TDO2: variants seen among roughly 807,000 people sequenced by gnomAD.
TDO2 encodes the protein tryptophan 2,3-dioxygenase.
Under a neutral mutation model 61.2 loss-of-function variants are expected in TDO2, and 63 were observed. That is an observed-to-expected ratio of 1.03 (90% CI 0.84 to 1.27). The LOEUF is 1.27. Among genes scored for constraint, TDO2 ranks in the 50% most tolerant of loss-of-function variants. The pLI, the probability that TDO2 is intolerant of heterozygous loss-of-function variation, is 0.00. For missense variants in TDO2, 494 were observed against 469.5 expected (o/e 1.05, Z -0.48); for synonymous variants, 183 against 164.0 (o/e 1.12, Z -0.89).
intron 9 of TDO2, 80 bp from the exon 10 acceptor site, chr4:155,917,315 C>A: frequency 1.7e-6 from 2 of 1,199,262 alleles, no homozygotes; most frequent in South Asian, 1.6e-5. Flanking sequence ...CCAGGGCCAA[C>A]TGATTGTCAA....
chr4:155,919,624 A>G (rs1743006852), intron 11 of TDO2, among the ~76,000 whole-genome samples: 1 of 152,148 alleles, frequency 6.6e-6, no homozygotes, highest in African/African-American at 2.4e-5. Context: ...ATACTGTTTT[A>G]TGGGCATAAA....
chr4:155,903,892 C>A (rs1191960036), intron 1 of TDO2, 99 bp downstream of exon 1: 16 of 1,527,104 alleles, frequency 1.0e-5, no homozygotes, highest in Non-Finnish European at 1.4e-5. Flanking sequence ...AAACTGTCAC[C>A]TTTATTCCTT....
rs115763044 is a variant in TDO2 at position 155,919,910 on chromosome 4, A to T, written c.1141A>T (p.Met381Leu). ...GATTCCCCGACACTGGATACCGAAG[A>T]TGAACCCAACCATTCACAAATTTCT... ...YLIPRHWIPK[M>L]NPTIHKFLYT... The change falls in exon 12 of 12, where the codon ATG becomes TTG. Residue 381 changes from methionine to leucine, a missense_variant. By Grantham distance (15) the Met-to-Leu change is conservative. Transcript: ENST00000536354. 3.0e-5 allele frequency: 48 copies of T among 1,613,754 alleles called. No individual in the cohort carries two copies. The African/African-American group carries it at 3.3e-4, about 11-fold the overall frequency.
intron 3 of TDO2, 181 bp downstream of exon 3, chr4:155,905,338 C>T: frequency 1.5e-5 from 8 of 528,266 alleles, no homozygotes; most frequent in Non-Finnish European, 2.0e-5. Flanking sequence ...TTTCAATAGT[C>T]TTCTTTATGT....
chr4:155,910,020 C>T lies in TDO2; in HGVS notation c.432-5C>T. The T allele has an allele frequency of 6.6e-7, 1 of 1,519,290 alleles. No individual in the cohort carries two copies. The highest frequency in any genetic ancestry group is 2.7e-5 in the East Asian group (1 of 37,178). 94.1% of individuals were successfully genotyped at this position (1,519,290 alleles called of 1,614,324 possible). On this transcript the variant is annotated splice_region_variant and splice_polypyrimidine_tract_variant and intron_variant, in intron 5 of 11. Transcript: ENST00000536354. ...TGCCTTTCCTTCCACCATTTAATCT[C>T]AAAGAGAGTACTTATCTCCAGCATC...
chr4:155,916,230 C>T (rs1357008505), intron 9 of TDO2, among the ~76,000 whole-genome samples: 7 of 132,556 alleles, frequency 5.3e-5, no homozygotes, highest in Non-Finnish European at 1.6e-5. Flanking sequence ...TGCAGTGGTG[C>T]AATCTCGGCT....
Position 155,919,925 on chromosome 4 carries a change from C to T in TDO2, c.1156C>T (p.His386Tyr), listed in dbSNP as rs1450615939. The T allele has an allele frequency of 1.9e-6, 3 of 1,613,702 alleles. No individual in the cohort carries two copies. The highest frequency in any genetic ancestry group is 2.5e-6 in the Non-Finnish European group (3 of 1,179,770). Residue 386 changes from histidine (H) to tyrosine (Y), a missense_variant, in exon 12 of 12, where the codon CAC becomes TAC. Transcript: ENST00000536354. ...HWIPKMNPTI[H>Y]KFLYTAEYCD... ...GATACCGAAGATGAACCCAACCATT[C>T]ACAAATTTCTATATACAGCAGAATA...
At position 155,919,984 on chromosome 4, in the gene TDO2, A is replaced by G; in HGVS notation, c.1215A>G (p.Ser405=). The part of the protein sequence containing the change: ...CDSSYFSSDE[S]D ...GCTCCTACTTCAGCAGTGATGAATC[A>G]GATTAAAATCGTCTGCAAAATCTAT... is the stretch of plus-strand genomic sequence containing the variant. Residue 405 remains serine (S), a synonymous_variant, in exon 12 of 12, where the codon TCA becomes TCG. Transcript: ENST00000536354. The G allele has an allele frequency of 4.3e-6, 7 of 1,612,048 alleles. No individual in the cohort carries two copies. The highest frequency in any genetic ancestry group is 5.9e-6 in the Non-Finnish European group (7 of 1,179,422).
At chr4:155,913,370 G>A (rs1458071141) in intron 7 of TDO2, among the ~76,000 whole-genome samples, 1 of 152,018 alleles carries the variant, frequency 6.6e-6, no homozygotes, top group South Asian at 2.1e-4. Context: ...TATCACCAAG[G>A]AGTCCTTTTA....
intron 1 of TDO2, 47 bp downstream of exon 1, chr4:155,903,840 T>C: frequency 6.2e-7 from 1 of 1,602,666 alleles, no homozygotes; most frequent in Non-Finnish European, 8.5e-7. Context: ...TTTAGAAGTA[T>C]CAGGTGTGAG....
chr4:155,907,817 G>A, intron 4 of TDO2, 25 bp downstream of exon 4: 2 of 1,567,420 alleles, frequency 1.3e-6, no homozygotes, highest in Non-Finnish European at 1.8e-6. Context: ...CACAATATTG[G>A]TTTCATGTAT....
chr4:155,916,965 CAAAACAAAACAACAACAAAA>C (rs1294122030), intron 9 of TDO2, among the ~76,000 whole-genome samples: 1 of 149,648 alleles, frequency 6.7e-6, no homozygotes, highest in African/African-American at 2.4e-5. Context: ...AAAAACAAAA[CAAAACAAAACAACAACAAAA>C]AAAACAAAAC....
intron 7 of TDO2, among the ~76,000 whole-genome samples, chr4:155,913,127 C>T (rs1183456496): frequency 6.6e-6 from 1 of 152,110 alleles, no homozygotes; most frequent in African/African-American, 2.4e-5. Context: ...CTGTGCTCCC[C>T]CACCTTCCCA....
intron 3 of TDO2, 28 bp from the exon 4 acceptor site, chr4:155,907,694 C>G: frequency 6.4e-7 from 1 of 1,563,300 alleles, no homozygotes; most frequent in Non-Finnish European, 8.8e-7. Context: ...CCATAACTTT[C>G]CAACTGACAA....
chr4:155,919,031 C>G (rs1412372764), intron 11 of TDO2, among the ~76,000 whole-genome samples: 1 of 152,162 alleles, frequency 6.6e-6, no homozygotes, highest in African/African-American at 2.4e-5. Flanking sequence ...GAAATGAATT[C>G]TGTAAGCACA....
intron 11 of TDO2, 58 bp downstream of exon 11, chr4:155,918,297 AC>A: frequency 4.5e-6 from 7 of 1,543,080 alleles, no homozygotes; most frequent in Non-Finnish European, 6.3e-6. Flanking sequence ...TTGTTTCTCC[AC>A]CTATACATTT....
intron 10 of TDO2, among the ~76,000 whole-genome samples, 173 bp from the exon 11 acceptor site, chr4:155,917,976 C>T (rs1409382222): frequency 2.0e-5 from 3 of 152,124 alleles, no homozygotes; most frequent in African/African-American, 7.2e-5. Flanking sequence ...AAGTGGAGCG[C>T]TAGGCAACCT....
intron 5 of TDO2, among the ~76,000 whole-genome samples, chr4:155,909,657 C>T (rs961285125): frequency 1.3e-5 from 2 of 151,688 alleles, no homozygotes; most frequent in East Asian, 1.9e-4. Context: ...TTTTGATATC[C>T]GATGATATTT....
chr4:155,908,635 G>A (rs924436581), intron 4 of TDO2, among the ~76,000 whole-genome samples: 5 of 152,202 alleles, frequency 3.3e-5, no homozygotes, highest in African/African-American at 1.2e-4. Context: ...GTGGGGGGTT[G>A]TATTCTAGAA....
Sources: gnomAD v4.1 joint callset for allele counts (sites outside exome capture counted in the v4.1 genomes callset) on GRCh38, gnomAD v4.1.1 for gene constraint, MANE v1.5 for transcripts, NCBI Gene and HGNC (gene_info 2026-07-23, HGNC 2026-07-21) for gene names.